Variants in KIAA0319L observed in about 807,000 individuals in gnomAD.
KIAA0319L encodes the protein KIAA0319 like, also known as dyslexia-associated protein KIAA0319-like protein.
In KIAA0319L, 55 loss-of-function variants were observed where a neutral mutation model predicts 120.1. That is an observed-to-expected ratio of 0.46 (90% CI 0.37 to 0.57). The LOEUF (loss-of-function observed/expected upper bound fraction) is 0.57, where lower values mean the gene tolerates loss of function less well. Ranked by LOEUF, KIAA0319L falls within the 20% of genes least tolerant of loss-of-function variation. KIAA0319L has a pLI of 0.00. For synonymous variants in KIAA0319L, 398 were observed against 471.9 expected (o/e 0.84, Z 2.03); for missense variants, 1,049 against 1,255.3 (o/e 0.84, Z 2.48).
intron 2 of KIAA0319L, among the ~76,000 whole-genome samples, chr1:35,543,193 G>T (rs1646855030): frequency 6.6e-6 from 1 of 152,188 alleles, no homozygotes; most frequent in Admixed American, 6.5e-5. Context: ...AGACACCATA[G>T]ACTTGCTCAA....
chr1:35,512,871 C>CA (rs746942793), intron 2 of KIAA0319L, among the ~76,000 whole-genome samples: 9,847 of 47,274 alleles, frequency 0.21, 1,409 homozygotes, highest in East Asian at 0.55. Context: ...GACTCCATCT[C>CA]AAAAAAAAAA....
At chr1:35,530,046 A>AT (rs1338313500) in intron 2 of KIAA0319L, among the ~76,000 whole-genome samples, 4 of 138,612 alleles carry the variant, frequency 2.9e-5, no homozygotes, top group African/African-American at 5.4e-5. Context: ...TTCTGAAATT[A>AT]TTTTTTTTGG....
chr1:35,512,753 C>T (rs1450214289), intron 2 of KIAA0319L, among the ~76,000 whole-genome samples: 1 of 151,320 alleles, frequency 6.6e-6, no homozygotes, highest in East Asian at 1.9e-4. Flanking sequence ...CCTGTAATTC[C>T]AGCTACTTGG....
intron 16 of KIAA0319L, among the ~76,000 whole-genome samples, chr1:35,445,459 T>G (rs183124590): frequency 3.3e-5 from 5 of 152,236 alleles, no homozygotes; most frequent in Non-Finnish European, 5.9e-5. Flanking sequence ...ACATCTCTCC[T>G]GAGTGACCAG....
intron 16 of KIAA0319L, among the ~76,000 whole-genome samples, chr1:35,447,635 G>A (rs1488478280): frequency 3.4e-5 from 5 of 147,872 alleles, no homozygotes; most frequent in Admixed American, 6.8e-5. Flanking sequence ...GCAGTGGTGT[G>A]ATCAGAGCTC....
In KIAA0319L at chr1:35,449,906, C is replaced by G. The variant is rs1570637634; in HGVS notation, c.2314G>C (p.Glu772Gln). The G allele has an allele frequency of 1.9e-6, 3 of 1,614,062 alleles. No individual in the cohort carries two copies. The highest frequency in any genetic ancestry group is 3.3e-4 in the Middle Eastern group (2 of 6,060). The change falls in exon 15 of 21, where the codon GAG (glutamate) becomes CAG (glutamine). Residue 772 changes from glutamate (E) to glutamine (Q), a missense_variant. Physicochemically the swap from Glu to Gln is conservative, Grantham distance 29. Coordinates refer to ENST00000325722, the MANE Select transcript of KIAA0319L (RefSeq NM_024874.5). ...ACAGTGGTCCGGTCTGTGTCACTCT[C>G]ACCCTTTGCATCGGTCACTTTCAGG... ...FHLKVTDAKG[E>Q]SDTDRTTVEV...
intron 3 of KIAA0319L, among the ~76,000 whole-genome samples, chr1:35,491,561 G>A (rs1644594749): frequency 6.6e-6 from 1 of 151,928 alleles, no homozygotes; most frequent in Non-Finnish European, 1.5e-5. Flanking sequence ...CGAAAGTACT[G>A]AAAGCAAAAA....
chr1:35,460,502 C>A, intron 8 of KIAA0319L, 65 bp from the exon 9 acceptor site: 1 of 1,462,720 alleles, frequency 6.8e-7, no homozygotes, highest in South Asian at 1.2e-5. Context: ...ATCCAGTTTA[C>A]ACAAACCAGG....
intron 1 of KIAA0319L, chr1:35,556,351 G>A (rs1279139676): frequency 6.6e-6 from 1 of 152,242 alleles, no homozygotes; most frequent in Non-Finnish European, 1.5e-5. Flanking sequence ...GATAAGATAT[G>A]TTTGAACAAC....
At chr1:35,498,192 G>A (rs963174861) in intron 3 of KIAA0319L, among the ~76,000 whole-genome samples, 2 of 152,112 alleles carry the variant, frequency 1.3e-5, no homozygotes, top group South Asian at 2.1e-4. Flanking sequence ...AATTAGCTGG[G>A]TATGATGATG....
chr1:35,542,661 T>TA (rs1372171617), intron 2 of KIAA0319L, among the ~76,000 whole-genome samples: 1 of 152,138 alleles, frequency 6.6e-6, no homozygotes, highest in South Asian at 2.1e-4. Context: ...GCTGAGGCTT[T>TA]AAAAAAATAA....
At position 35,462,659 on chromosome 1, in the gene KIAA0319L, A is replaced by C; in HGVS notation, c.1256T>G (p.Ile419Ser). 6.2e-7 allele frequency: 1 copy of C among 1,614,158 alleles called. No homozygotes were observed. The highest frequency in any genetic ancestry group is 8.5e-7 in the Non-Finnish European group (1 of 1,179,984). ...IAIVSPQFQEISLPTTSTVID... is the reference protein window; with the variant it reads ...IAIVSPQFQESSLPTTSTVID... ...GACTGTAGAAGTGGTTGGCAAAGAG[A>C]TCTCCTGGAACTGAGGTGACACAAT... Residue 419 changes from isoleucine to serine, a missense_variant, in exon 8 of 21, where the codon ATC (isoleucine) becomes AGC (serine). Ile to Ser is a moderately radical substitution (Grantham distance 142, BLOSUM62 -2). Coordinates refer to ENST00000325722, the MANE Select transcript of KIAA0319L (RefSeq NM_024874.5).
At chr1:35,476,557 G>T (rs1200318946) in intron 4 of KIAA0319L, among the ~76,000 whole-genome samples, 1 of 152,082 alleles carries the variant, frequency 6.6e-6, no homozygotes, top group Non-Finnish European at 1.5e-5. Context: ...TTCAGCATTT[G>T]GATGCCCCAG....
intron 2 of KIAA0319L, among the ~76,000 whole-genome samples, chr1:35,547,094 T>C (rs1169700100): frequency 1.4e-5 from 2 of 145,500 alleles, no homozygotes; most frequent in African/African-American, 5.0e-5. Context: ...TCATATATAT[T>C]ATTACATATA....
intron 2 of KIAA0319L, among the ~76,000 whole-genome samples, chr1:35,523,552 T>G (rs1646009095): frequency 6.6e-6 from 1 of 152,162 alleles, no homozygotes; most frequent in African/African-American, 2.4e-5. Context: ...TGAAAGGAGA[T>G]GAGGCCCATA....
chr1:35,524,827 C>T (rs572689370), intron 2 of KIAA0319L, among the ~76,000 whole-genome samples: 1 of 152,324 alleles, frequency 6.6e-6, no homozygotes, highest in East Asian at 1.9e-4. Context: ...AAGCATTTAT[C>T]ATTCCTATGT....
intron 2 of KIAA0319L, among the ~76,000 whole-genome samples, chr1:35,527,741 C>A (rs1430822844): frequency 6.6e-6 from 1 of 151,964 alleles, no homozygotes; most frequent in Admixed American, 6.6e-5. Flanking sequence ...GTTGTAAGGT[C>A]TCCTTTTCAT....
intron 2 of KIAA0319L, among the ~76,000 whole-genome samples, chr1:35,528,700 G>A (rs936054435): frequency 5.3e-5 from 8 of 152,282 alleles, no homozygotes; most frequent in African/African-American, 1.9e-4. Context: ...CTATTGTTGA[G>A]AGTGGGGTGT....
intron 2 of KIAA0319L, among the ~76,000 whole-genome samples, chr1:35,542,945 T>C (rs1646845917): frequency 6.6e-6 from 1 of 152,244 alleles, no homozygotes; most frequent in South Asian, 2.1e-4. Context: ...ATGCTAATTT[T>C]CTCATCCCTC....
Sources: gnomAD v4.1 joint callset for allele counts (sites outside exome capture counted in the v4.1 genomes callset) on GRCh38, gnomAD v4.1.1 for gene constraint, MANE v1.5 for transcripts, NCBI Gene and HGNC (gene_info 2026-07-23, HGNC 2026-07-21) for gene names.